Variants in NRXN1 observed in about 807,000 individuals in gnomAD.
The protein encoded by NRXN1 is neurexin-1.
NRXN1 carries 39 observed loss-of-function variants against 150.9 expected under a neutral mutation model. The ratio of observed to expected loss-of-function variants is 0.26; its 90% CI spans 0.20 to 0.34. The LOEUF is 0.34. NRXN1 is among the 10% of genes least tolerant of loss of function. NRXN1 has a pLI of 1.00. For synonymous variants in NRXN1, 924 were observed against 757.0 expected (o/e 1.22, Z -3.62); for missense variants, 1,815 against 1,949.9 (o/e 0.93, Z 1.30).
intron 17 of NRXN1, among the ~76,000 whole-genome samples, chr2:50,421,014 G>C (rs2104251379): frequency 1.5e-5 from 2 of 131,132 alleles, no homozygotes; most frequent in South Asian, 4.8e-4. Flanking sequence ...GTGTGTGTGT[G>C]TGTGTTTCAC....
At chr2:50,206,634 C>T (rs2062601925) in intron 18 of NRXN1, among the ~76,000 whole-genome samples, 1 of 151,948 alleles carries the variant, frequency 6.6e-6, no homozygotes, top group Non-Finnish European at 1.5e-5. Context: ...AAGGAGCTGA[C>T]ATTATGGACC....
chr2:50,008,483 T>TTTTA (rs1685124986), intron 21 of NRXN1, among the ~76,000 whole-genome samples: 1 of 151,342 alleles, frequency 6.6e-6, no homozygotes, highest in Non-Finnish European at 1.5e-5. Flanking sequence ...TTTTTTTTTT[T>TTTTA]TGAGATGGAG....
intron 5 of NRXN1, among the ~76,000 whole-genome samples, chr2:50,824,234 G>A (rs1574606678): frequency 6.6e-6 from 1 of 151,906 alleles, no homozygotes; most frequent in East Asian, 1.9e-4. Context: ...ATATATAAAA[G>A]AGCTACCTGA....
At chr2:50,088,172 A>G (rs1699062712) in intron 19 of NRXN1, among the ~76,000 whole-genome samples, 1 of 152,154 alleles carries the variant, frequency 6.6e-6, no homozygotes, top group South Asian at 2.1e-4. Flanking sequence ...CTGAACTCGT[A>G]TTTACAATCA....
intron 18 of NRXN1, among the ~76,000 whole-genome samples, chr2:50,173,960 C>A (rs1165738186): frequency 6.6e-6 from 1 of 152,060 alleles, no homozygotes; most frequent in Non-Finnish European, 1.5e-5. Context: ...CATGCATATG[C>A]ACTAAGTGTC....
chr2:50,107,520 CATAT>C (rs150310372), intron 18 of NRXN1, among the ~76,000 whole-genome samples: 1 of 136,068 alleles, frequency 7.3e-6, no homozygotes, highest in Non-Finnish European at 1.6e-5. Context: ...TTCCAGACTA[CATAT>C]ATATATATAT....
At chr2:50,430,966 TATG>T (rs758790874) in intron 17 of NRXN1, among the ~76,000 whole-genome samples, 20 of 152,156 alleles carry the variant, frequency 1.3e-4, no homozygotes, top group Non-Finnish European at 2.4e-4. Flanking sequence ...CCCAAGTTCA[TATG>T]ATACTAGTTC....
chr2:50,346,896 GCCGC>G lies in NRXN1; in HGVS notation c.3365-109930_3365-109927del. The G allele has an allele frequency of 7.7e-7, 1 of 1,301,274 alleles. No individual in the cohort carries two copies. Among genetic ancestry groups the G allele is most frequent in the Non-Finnish European group, 9.7e-7 (1 of 1,026,050 alleles). The allele number at this position is 1,301,274 out of a possible 1,614,324, so 80.6% of individuals were successfully genotyped here. On this transcript the variant is annotated intron_variant, in intron 17 of 22. Coordinates refer to ENST00000401669, the MANE Select transcript of NRXN1 (RefSeq NM_001330078.2). The surrounding 1 kb of genome is among the most constrained non-coding windows in gnomAD (Gnocchi z 5.0). ...CGCCGCCGCCGCCGCCGCCGCCGCC[GCCGC>G]CCCCGGGCGAGCCCAGCTCGGCGCC...
intron 22 of NRXN1, among the ~76,000 whole-genome samples, chr2:49,934,684 G>T (rs1032059875): frequency 1.3e-5 from 2 of 152,012 alleles, no homozygotes; most frequent in Non-Finnish European, 2.9e-5. Context: ...AGGCTGTGTG[G>T]GTAGGTGTGC....
In NRXN1 at chr2:49,921,253, G is replaced by A. The variant is rs200813232; in HGVS notation, c.*691C>T. 3.9e-5 allele frequency: 6 copies of A among 152,504 alleles called. No homozygotes were observed. Among genetic ancestry groups the A allele is most frequent in the Non-Finnish European group, 8.8e-5 (6 of 68,034 alleles). 9.4% of individuals were successfully genotyped at this position (152,504 alleles called of 1,614,324 possible). ...AAAATTTCCCAATGATTGCATCTATGCCCTCTTGTTTTTGTTTTGAAATTT... is the reference window on the plus strand; with the variant it reads ...AAAATTTCCCAATGATTGCATCTATACCCTCTTGTTTTTGTTTTGAAATTT... On this transcript the variant is annotated 3_prime_UTR_variant, in exon 23 of 23. Coordinates refer to ENST00000401669, the MANE Select transcript of NRXN1 (RefSeq NM_001330078.2).
At chr2:49,985,967 C>T (rs544396592) in intron 21 of NRXN1, among the ~76,000 whole-genome samples, 1 of 152,274 alleles carries the variant, frequency 6.6e-6, no homozygotes, top group Non-Finnish European at 1.5e-5. Flanking sequence ...AAATGTACTT[C>T]ATTTGTGGAA....
chr2:50,096,278 C>G (rs1487768037), intron 18 of NRXN1, among the ~76,000 whole-genome samples: 2 of 152,022 alleles, frequency 1.3e-5, no homozygotes, highest in African/African-American at 4.8e-5. Context: ...ACATAAAGCA[C>G]AAAATACTAA....
chr2:50,875,919 T>C (rs1408990555), intron 5 of NRXN1, among the ~76,000 whole-genome samples: 1 of 151,820 alleles, frequency 6.6e-6, no homozygotes, highest in African/African-American at 2.4e-5. Context: ...CAGCAATAGA[T>C]ACTACAACCA....
intron 5 of NRXN1, among the ~76,000 whole-genome samples, chr2:50,812,740 G>GTGTGTGTGTGTA (rs982227794): frequency 6.0e-5 from 9 of 149,628 alleles, no homozygotes; most frequent in African/African-American, 2.0e-4. Flanking sequence ...GTGTGTGTGT[G>GTGTGTGTGTGTA]TGAGCGCATG....
chr2:50,252,975 G>C (rs2067306852), intron 17 of NRXN1, among the ~76,000 whole-genome samples: 1 of 152,134 alleles, frequency 6.6e-6, no homozygotes. Flanking sequence ...AATGGGAATA[G>C]TATTTAAACT....
At chr2:50,499,577 A>C (rs1431824935) in intron 13 of NRXN1, among the ~76,000 whole-genome samples, 1 of 150,062 alleles carries the variant, frequency 6.7e-6, no homozygotes. Context: ...ATTAATCCTT[A>C]ATTATTTCCA....
chr2:51,023,290 C>T (rs1669913345), intron 2 of NRXN1, among the ~76,000 whole-genome samples: 1 of 152,174 alleles, frequency 6.6e-6, no homozygotes. Flanking sequence ...CTTTGCATTA[C>T]TATTTTATCA....
intron 2 of NRXN1, among the ~76,000 whole-genome samples, chr2:51,016,867 A>G (rs535090623): frequency 2.6e-5 from 4 of 152,202 alleles, no homozygotes; most frequent in East Asian, 1.9e-4. Context: ...ATGCCCATCA[A>G]TGATAGACTG....
intron 21 of NRXN1, among the ~76,000 whole-genome samples, chr2:50,052,625 C>G (rs1418647242): frequency 6.6e-6 from 1 of 152,006 alleles, no homozygotes; most frequent in Non-Finnish European, 1.5e-5. Flanking sequence ...AAATTTTAGG[C>G]ACAAGATTGA....
Sources: gnomAD v4.1 joint callset for allele counts (sites outside exome capture counted in the v4.1 genomes callset) on GRCh38, gnomAD v4.1.1 for gene constraint, Gnocchi (gnomAD v3.1) non-coding constraint, MANE v1.5 for transcripts, NCBI Gene and HGNC (gene_info 2026-07-23, HGNC 2026-07-21) for gene names.